Variants in BMF observed in about 807,000 individuals in gnomAD.
BMF encodes the protein bcl-2-modifying factor.
BMF carries 10 observed loss-of-function variants against 22.0 expected under a neutral mutation model. The ratio of observed to expected loss-of-function variants is 0.45; its 90% CI spans 0.28 to 0.77. The LOEUF (loss-of-function observed/expected upper bound fraction) is 0.77, where lower values mean the gene tolerates loss of function less well. BMF is among the 30% of genes least tolerant of loss of function. The pLI is 0.13. For synonymous variants in BMF, 87 were observed against 88.1 expected (o/e 0.99, Z 0.07); for missense variants, 206 against 226.8 (o/e 0.91, Z 0.59).
At chr15:40,098,473 G>A (rs971796269) in intron 4 of BMF, among the ~76,000 whole-genome samples, 3 of 152,130 alleles carry the variant, frequency 2.0e-5, no homozygotes, top group African/African-American at 7.2e-5. Context: ...GAGGGGGTTC[G>A]GGGGACAAGC....
intron 4 of BMF, among the ~76,000 whole-genome samples, chr15:40,096,279 A>G (rs2036358924): frequency 6.7e-6 from 1 of 149,154 alleles, no homozygotes; most frequent in African/African-American, 2.5e-5. Context: ...CGTGTTCCCT[A>G]CGCTCCCTGG....
chr15:40,098,555 T>G (rs1291163499), intron 4 of BMF, among the ~76,000 whole-genome samples: 1 of 152,154 alleles, frequency 6.6e-6, no homozygotes, highest in African/African-American at 2.4e-5. Flanking sequence ...TTCAGCTGAC[T>G]GTTCATGTCC....
Position 40,089,022 on chromosome 15 carries a change from CGAG to C in BMF, c.*2762_*2764del, listed in dbSNP as rs764203165. The C allele has an allele frequency of 6.6e-6, 1 of 152,624 alleles. No homozygotes were observed. The highest frequency in any genetic ancestry group is 1.9e-4 in the East Asian group (1 of 5,202). The allele number at this position is 152,624 out of a possible 1,614,324, so 9.5% of individuals were successfully genotyped here. On this transcript the variant is annotated 3_prime_UTR_variant, in exon 5 of 5. Coordinates refer to ENST00000354670, the MANE Select transcript of BMF (RefSeq NM_001003940.2). ...CCCTTCCTCCCAGGCATTTCTTTCC[CGAG>C]GAGGAAGGTTTCCAGTCCCTCTCCC...
chr15:40,095,315 A>C (rs575398066), intron 4 of BMF, among the ~76,000 whole-genome samples: 1 of 152,374 alleles, frequency 6.6e-6, no homozygotes, highest in East Asian at 1.9e-4. Flanking sequence ...ACTAGAAAGG[A>C]AAGAAAAAAG....
chr15:40,099,354 C>T (rs1256390371), intron 4 of BMF, among the ~76,000 whole-genome samples: 1 of 152,230 alleles, frequency 6.6e-6, no homozygotes. Flanking sequence ...ATTACAAAGT[C>T]AGGTCCAAGC....
intron 4 of BMF, 127 bp from the exon 5 acceptor site, chr15:40,092,015 G>C: frequency 1.4e-6 from 1 of 694,414 alleles, no homozygotes. Context: ...TATCAGTACA[G>C]CTCACAGCGG....
rs1595469180 is a variant in BMF at position 40,090,392 on chromosome 15, T to C, written c.*1395A>G. On this transcript the variant is annotated 3_prime_UTR_variant, in exon 5 of 5. Coordinates refer to ENST00000354670, the MANE Select transcript of BMF (RefSeq NM_001003940.2). Reference sequence around the variant, plus strand: ...GTCTTTCCTTTGGGCCTTACTTCACTGTTAGCACCAATGTTGTCTTTTCTC... The same window carrying C: ...GTCTTTCCTTTGGGCCTTACTTCACCGTTAGCACCAATGTTGTCTTTTCTC... The C allele has an allele frequency of 6.5e-6, 1 of 152,706 alleles. No individual in the cohort carries two copies. Among genetic ancestry groups the C allele is most frequent in the African/African-American group, 2.4e-5 (1 of 41,470 alleles). 9.5% of individuals were successfully genotyped at this position (152,706 alleles called of 1,614,324 possible). A position where few individuals can be genotyped will look rare whatever the true frequency, so the allele number is the denominator to read the frequency against.
At chr15:40,092,054 C>G (rs763596578) in intron 4 of BMF, among the ~76,000 whole-genome samples, 166 bp from the exon 5 acceptor site, 3 of 152,148 alleles carry the variant, frequency 2.0e-5, no homozygotes, top group Admixed American at 6.5e-5. Flanking sequence ...AGAGACACTG[C>G]CATGTGGAGG....
chr15:40,100,198 G>A (rs911005930), intron 4 of BMF, among the ~76,000 whole-genome samples: 12 of 152,246 alleles, frequency 7.9e-5, no homozygotes, highest in Non-Finnish European at 1.3e-4. Context: ...TCTCCCAAGG[G>A]GAGGGGATAC....
intron 4 of BMF, among the ~76,000 whole-genome samples, chr15:40,097,432 T>G (rs1339104479): frequency 6.6e-6 from 1 of 152,248 alleles, no homozygotes; most frequent in African/African-American, 2.4e-5. Flanking sequence ...CAAGAGCACC[T>G]AGCTGAGTAT....
chr15:40,095,833 C>T (rs146448344), intron 4 of BMF, among the ~76,000 whole-genome samples: 705 of 152,298 alleles, frequency 4.6e-3, no homozygotes, highest in African/African-American at 0.017. Flanking sequence ...GAGCCCCATG[C>T]GGCTTCTTTG....
intron 4 of BMF, among the ~76,000 whole-genome samples, chr15:40,100,061 T>C (rs2036444700): frequency 6.6e-6 from 1 of 152,238 alleles, no homozygotes. Context: ...ACATGAAGAA[T>C]TCCAACCCTC....
rs2036591991 is a variant in BMF, at chr15:40,106,528, A to ACACACACACACACACACACACACACACC, written c.-5-438_-5-437insGGTGTGTGTGTGTGTGTGTGTGTGTGTG. On this transcript the variant is annotated intron_variant, in intron 2 of 4. Transcript: ENST00000354670. This position sits in a 1 kb window ranked among gnomAD's most constrained non-coding sequence, Gnocchi z 4.1. ...CATACAGTGCTCACAACACACACAC[A>ACACACACACACACACACACACACACACC]CACACACACACACACACACACACAT... is the stretch of plus-strand genomic sequence containing the variant. 1 of 145,814 alleles carries ACACACACACACACACACACACACACACC rather than the reference A, an allele frequency of 6.9e-6. No individual in the cohort carries two copies. Among genetic ancestry groups the ACACACACACACACACACACACACACACC allele is most frequent in the East Asian group, 1.9e-4 (1 of 5,134 alleles). The allele number at this position is 145,814 out of a possible 1,614,324, so 9.0% of individuals were successfully genotyped here.
chr15:40,105,928 G>A lies in BMF; in HGVS notation c.159C>T (p.Thr53=). ...GTCGAAGGCCAGGGCCACAGCAGTG[G>A]GTGAGAGGGAAGAGCTGAAGTCGGC... is the stretch of plus-strand genomic sequence containing the variant. ...PLSRLQLFPL[T]HCCGPGLRPT... Residue 53 remains threonine, a synonymous_variant, in exon 3 of 5, where the codon ACC becomes ACT. Transcript: ENST00000354670. The A allele has an allele frequency of 6.2e-7, 1 of 1,614,188 alleles. No homozygotes were observed. The highest frequency in any genetic ancestry group is 1.7e-5 in the Admixed American group (1 of 60,032).
Position 40,091,660 on chromosome 15 carries a change from A to T in BMF, c.*127T>A, listed in dbSNP as rs1044210084. 1.5e-4 allele frequency: 104 copies of T among 714,674 alleles called. No individual in the cohort carries two copies. The highest frequency in any genetic ancestry group is 3.9e-4 in the Middle Eastern group (1 of 2,542). 44.3% of individuals were successfully genotyped at this position (714,674 alleles called of 1,614,324 possible). On this transcript the variant is annotated 3_prime_UTR_variant, in exon 5 of 5. Coordinates refer to ENST00000354670, the MANE Select transcript of BMF (RefSeq NM_001003940.2). Reference sequence around the variant, plus strand: ...TTGTATGTACACTCAGAGAGAAATTAAAAAAAATTAAAACACAAAATAACA... The same window carrying T: ...TTGTATGTACACTCAGAGAGAAATTTAAAAAAATTAAAACACAAAATAACA...
chr15:40,088,792 C>T lies in BMF; in HGVS notation c.*2995G>A, dbSNP rs2036179823. Reference sequence around the variant, plus strand: ...GTCACTGGGAGGTGATCTTTTTCCACCTCGGATTGAGCAAGAGAAGGCTGC... The same window carrying T: ...GTCACTGGGAGGTGATCTTTTTCCATCTCGGATTGAGCAAGAGAAGGCTGC... On this transcript the variant is annotated 3_prime_UTR_variant, in exon 5 of 5. Coordinates refer to ENST00000354670, the MANE Select transcript of BMF (RefSeq NM_001003940.2). The T allele has an allele frequency of 6.6e-6, 1 of 152,370 alleles. No individual in the cohort carries two copies. Among genetic ancestry groups the T allele is most frequent in the Admixed American group, 6.5e-5 (1 of 15,280 alleles). 9.4% of individuals were successfully genotyped at this position (152,370 alleles called of 1,614,324 possible).
At chr15:40,100,911 C>T (rs1256862210) in intron 4 of BMF, among the ~76,000 whole-genome samples, 2 of 152,194 alleles carry the variant, frequency 1.3e-5, no homozygotes, top group African/African-American at 4.8e-5. Flanking sequence ...GGAGTGCACA[C>T]TCTCCACAGG....
intron 4 of BMF, among the ~76,000 whole-genome samples, chr15:40,096,543 C>T (rs60252697): frequency 0.012 from 1,810 of 152,250 alleles, 42 homozygotes; most frequent in African/African-American, 0.042. Flanking sequence ...GTGATCCTCA[C>T]GATAGGAAGA....
chr15:40,101,119 C>A (rs2036467865), intron 4 of BMF, among the ~76,000 whole-genome samples: 2 of 152,230 alleles, frequency 1.3e-5, no homozygotes, highest in African/African-American at 4.8e-5. Flanking sequence ...GATGATCAGT[C>A]TGGACACTAA....
Sources: gnomAD v4.1 joint callset for allele counts (sites outside exome capture counted in the v4.1 genomes callset) on GRCh38, gnomAD v4.1.1 for gene constraint, Gnocchi (gnomAD v3.1) non-coding constraint, MANE v1.5 for transcripts, NCBI Gene and HGNC (gene_info 2026-07-23, HGNC 2026-07-21) for gene names.